The following CMKLR2 variants were observed in gnomAD, a reference collection of about 807,000 sequenced individuals.
CMKLR2 encodes chemerin-like receptor 2.
Under a neutral mutation model 23.0 loss-of-function variants are expected in CMKLR2, and 18 were observed. That is an observed-to-expected ratio of 0.78 (90% CI 0.54 to 1.16). The LOEUF (loss-of-function observed/expected upper bound fraction) is 1.16, where lower values mean the gene tolerates loss of function less well. CMKLR2 is among the 50% of genes most tolerant of loss of function. The pLI, the probability that CMKLR2 is intolerant of heterozygous loss-of-function variation, is 0.00. For synonymous variants in CMKLR2, 158 were observed against 158.9 expected, an observed-to-expected ratio of 0.99 and a Z score of 0.05; for missense variants, 401 against 412.7, an observed-to-expected ratio of 0.97 and a Z score of 0.25.
intron 1 of CMKLR2, among the ~76,000 whole-genome samples, chr2:206,193,685 C>T (rs1040902623): frequency 1.1e-4 from 16 of 152,184 alleles, no homozygotes; most frequent in African/African-American, 3.9e-4. Context: ...TAGCAGGGTA[C>T]CTACCAGATT....
At chr2:206,184,362 T>G (rs1239120526) in intron 1 of CMKLR2, among the ~76,000 whole-genome samples, 1 of 151,826 alleles carries the variant, frequency 6.6e-6, no homozygotes. Flanking sequence ...AGTGGCATGA[T>G]CTCGGTTCAC....
chr2:206,191,524 C>T (rs1463511714), intron 1 of CMKLR2, among the ~76,000 whole-genome samples: 19 of 152,120 alleles, frequency 1.2e-4, no homozygotes, highest in Admixed American at 1.2e-3. Flanking sequence ...GGAGTTCACA[C>T]ATTATTATAT....
Position 206,176,330 on chromosome 2 carries a change from T to C in CMKLR2, c.918A>G (p.Leu306=). ...NSCLNPILYV[L]ISKKFQARFR... is the part of the protein sequence containing the mutation. ...AGCGAGCTTGGAACTTCTTACTAAT[T>C]AGGACATAAAGGATGGGGTTCAAGC... The change falls in exon 2 of 2, where the codon CTA becomes CTG. Residue 306 remains leucine, a synonymous_variant. Coordinates refer to ENST00000621141, the MANE Select transcript of CMKLR2 (RefSeq NM_001389445.1). The C allele has an allele frequency of 1.2e-6, 2 of 1,614,090 alleles. No homozygotes were observed. Among genetic ancestry groups the C allele is most frequent in the Non-Finnish European group, 1.7e-6 (2 of 1,179,998 alleles).
In CMKLR2 at chr2:206,175,942, G is replaced by A. The variant is rs531578880; in HGVS notation, c.*238C>T. The A allele has an allele frequency of 1.6e-5, 6 of 365,578 alleles. No homozygotes were observed. The highest frequency in any genetic ancestry group is 1.2e-4 in the South Asian group (1 of 8,614). 22.6% of individuals were successfully genotyped at this position (365,578 alleles called of 1,614,324 possible). On this transcript the variant is annotated 3_prime_UTR_variant, in exon 2 of 2. Coordinates refer to ENST00000621141, the MANE Select transcript of CMKLR2 (RefSeq NM_001389445.1). The stretch of plus-strand genomic sequence containing the variant: ...TTTAAGTTGCAGAAAAAAATTATGC[G>A]GATCCTTCCTAAGTATTTTCAGTTT...
chr2:206,210,804 C>A (rs1289452203), intron 1 of CMKLR2, among the ~76,000 whole-genome samples: 1 of 152,174 alleles, frequency 6.6e-6, no homozygotes, highest in African/African-American at 2.4e-5. Context: ...AAAGAAAAAG[C>A]TCTGTCAACT....
intron 1 of CMKLR2, among the ~76,000 whole-genome samples, chr2:206,190,486 C>T (rs919257589): frequency 3.9e-5 from 6 of 151,916 alleles, no homozygotes; most frequent in African/African-American, 1.2e-4. Context: ...CAATGGAAGT[C>T]GAAGATGGAA....
At chr2:206,179,183 T>C (rs962554552) in intron 1 of CMKLR2, among the ~76,000 whole-genome samples, 1 of 143,718 alleles carries the variant, frequency 7.0e-6, no homozygotes, top group African/African-American at 2.6e-5. Flanking sequence ...CAAGCAATTC[T>C]CCTGCCTCAG....
chr2:206,179,055 CTTTTTTTTTTTTTTTTTT>C (rs71034421), intron 1 of CMKLR2, among the ~76,000 whole-genome samples: 152 of 49,352 alleles, frequency 3.1e-3, no homozygotes, highest in Non-Finnish European at 4.8e-3. Context: ...CTCCCTGTCC[CTTTTTTTTTTTTTTTTTT>C]TTTTTTTTTT....
In CMKLR2 at chr2:206,177,268, G is replaced by T; in HGVS notation, c.-21C>A. Reference sequence around the variant, plus strand: ...TCCATGACCTTGCTAAATGGAGAATGAAGAAATCTGTAGAAGCAAATTTAA... The same window carrying T: ...TCCATGACCTTGCTAAATGGAGAATTAAGAAATCTGTAGAAGCAAATTTAA... On this transcript the variant is annotated 5_prime_UTR_variant, in exon 2 of 2. Coordinates refer to ENST00000621141, the MANE Select transcript of CMKLR2 (RefSeq NM_001389445.1). The T allele has an allele frequency of 7.0e-7, 1 of 1,422,634 alleles. No homozygotes were observed. The highest frequency in any genetic ancestry group is 9.6e-7 in the Non-Finnish European group (1 of 1,042,232). 88.1% of individuals were successfully genotyped at this position (1,422,634 alleles called of 1,614,324 possible).
chr2:206,206,960 G>C (rs2105837589), intron 1 of CMKLR2, among the ~76,000 whole-genome samples: 1 of 133,888 alleles, frequency 7.5e-6, no homozygotes, highest in South Asian at 2.7e-4. Context: ...AAAGAATGTT[G>C]AGGACGTAGA....
chr2:206,195,903 G>A (rs373708066), intron 1 of CMKLR2, among the ~76,000 whole-genome samples: 3 of 150,592 alleles, frequency 2.0e-5, no homozygotes, highest in African/African-American at 4.9e-5. Flanking sequence ...GCAGTGAGCC[G>A]AGATCACACC....
At chr2:206,206,500 G>A (rs947489397) in intron 1 of CMKLR2, among the ~76,000 whole-genome samples, 1 of 152,146 alleles carries the variant, frequency 6.6e-6, no homozygotes, top group Non-Finnish European at 1.5e-5. Context: ...AGAAAATCGC[G>A]AGCTCTTCTA....
At chr2:206,205,699 A>G (rs181228465) in intron 1 of CMKLR2, among the ~76,000 whole-genome samples, 106 of 151,394 alleles carry the variant, frequency 7.0e-4, no homozygotes, top group African/African-American at 2.5e-3. Context: ...TATTATTATT[A>G]TTATTATTAT....
intron 1 of CMKLR2, among the ~76,000 whole-genome samples, chr2:206,178,358 A>T (rs1394574098): frequency 6.6e-6 from 1 of 152,258 alleles, no homozygotes; most frequent in East Asian, 1.9e-4. Flanking sequence ...AGACCAATCC[A>T]TCTGGATGTC....
Position 206,177,030 on chromosome 2 carries a change from G to C in CMKLR2, c.218C>G (p.Thr73Ser). 6.2e-7 allele frequency: 1 copy of C among 1,614,158 alleles called. No individual in the cohort carries two copies. Among genetic ancestry groups the C allele is most frequent in the Non-Finnish European group, 8.5e-7 (1 of 1,180,002 alleles). ...TGFKWKKTVTTLWFLNLAIAD... is the reference protein window; with the variant it reads ...TGFKWKKTVTSLWFLNLAIAD... ...AATGGCTAGATTGAGGAACCACAGA[G>C]TGGTGACTGTCTTCTTCCACTTGAA... Residue 73 changes from threonine (T) to serine (S), a missense_variant, in exon 2 of 2, where the codon ACT becomes AGT. Physicochemically the swap from Thr to Ser is moderately conservative, Grantham distance 58. Transcript: ENST00000621141.
At chr2:206,197,427 T>C (rs2105822891) in intron 1 of CMKLR2, among the ~76,000 whole-genome samples, 1 of 152,320 alleles carries the variant, frequency 6.6e-6, no homozygotes, top group African/African-American at 2.4e-5. Flanking sequence ...AGGTGCTGGT[T>C]AACACTTCAG....
chr2:206,193,748 C>G (rs1049344664), intron 1 of CMKLR2, among the ~76,000 whole-genome samples: 2 of 152,226 alleles, frequency 1.3e-5, no homozygotes, highest in Admixed American at 1.3e-4. Flanking sequence ...TTTTTAAAGG[C>G]TAAAAATGAC....
At chr2:206,199,143 T>A (rs1689010539) in intron 1 of CMKLR2, among the ~76,000 whole-genome samples, 1 of 152,180 alleles carries the variant, frequency 6.6e-6, no homozygotes, top group Non-Finnish European at 1.5e-5. Flanking sequence ...ACACCTGTAA[T>A]CCCAGCACTT....
At chr2:206,203,022 T>C (rs1297261518) in intron 1 of CMKLR2, among the ~76,000 whole-genome samples, 1 of 151,788 alleles carries the variant, frequency 6.6e-6, no homozygotes, top group Non-Finnish European at 1.5e-5. Flanking sequence ...CTTGCTCCGT[T>C]TGAAAGAGCC....
Sources: allele counts gnomAD v4.1 joint callset (sites outside exome capture counted in the v4.1 genomes callset), GRCh38; gene constraint gnomAD v4.1.1; transcripts MANE v1.5; gene names NCBI Gene and HGNC (gene_info 2026-07-23, HGNC 2026-07-21).